Variants in ZFP92 observed in about 807,000 individuals in gnomAD.
ZFP92 encodes the protein ZFP92 zinc finger protein, also known as zinc finger protein 92 homolog.
ZFP92 carries 2 observed loss-of-function variants against 7.6 expected under a neutral mutation model. The ratio of observed to expected loss-of-function variants is 0.26; its 90% CI spans 0.11 to 0.83. The LOEUF is 0.83. Ranked by LOEUF, ZFP92 falls within the 40% of genes least tolerant of loss-of-function variation. ZFP92 has a pLI of 0.65. For synonymous variants in ZFP92, 226 were observed against 183.6 expected (o/e 1.23, Z -1.87); for missense variants, 324 against 408.3 (o/e 0.79, Z 1.78).
chrX:153,422,741 T>C lies in ZFP92; in HGVS notation c.*1113T>C, dbSNP rs1243617254. On this transcript the variant is annotated 3_prime_UTR_variant, in exon 6 of 6. Coordinates refer to ENST00000338647, the MANE Select transcript of ZFP92 (RefSeq NM_001136273.2). ...TCATCGAATGTCTTTTGCGTGACAT[T>C]TTGTAGAATACTGGACGTTCCGTTG... 8.9e-6 allele frequency: 1 copy of C among 112,848 alleles called. No individual in the cohort carries two copies. The highest frequency in any genetic ancestry group is 3.2e-5 in the African/African-American group (1 of 31,024). 9.3% of individuals were successfully genotyped at this position (112,848 alleles called of 1,213,427 possible). A position where few individuals can be genotyped will look rare whatever the true frequency, so the allele number is the denominator to read the frequency against.
rs2089010115 is a variant in ZFP92 at position 153,422,140 on chromosome X, GT to G, written c.*513del. On this transcript the variant is annotated 3_prime_UTR_variant, in exon 6 of 6. Transcript: ENST00000338647. Reference sequence around the variant, plus strand: ...AGAGTGGTGCATTTCCTCCCTGGGGGTCGTTCCCCTCGCCCTAAGAGTTGTT... The same window carrying G: ...AGAGTGGTGCATTTCCTCCCTGGGGGCGTTCCCCTCGCCCTAAGAGTTGTT... 8.9e-6 allele frequency: 1 copy of G among 112,315 alleles called. No homozygotes were observed. The allele number at this position is 112,315 out of a possible 1,213,427, so 9.3% of individuals were successfully genotyped here.
At chrX:153,411,885 G>T (rs1602886621) in intron 1 of ZFP92, among the ~76,000 whole-genome samples, 80 bp from the exon 2 acceptor site, 2 of 22 alleles carry the variant, frequency 0.091, no homozygotes, top group East Asian at 0.2. Context: ...TACCAGGGGC[G>T]CCAGGGGAAG....
At chrX:153,418,400 C>T (rs1447834416) in intron 3 of ZFP92, 45 bp downstream of exon 3, 5 of 1,153,046 alleles carry the variant, frequency 4.3e-6, no homozygotes, top group Middle Eastern at 2.4e-4. Flanking sequence ...TGGCAGCCCC[C>T]GTCTGCTGCC....
In ZFP92 at chrX:153,426,046, C is replaced by T. The variant is rs782408390; in HGVS notation, c.*4418C>T. Reference sequence around the variant, plus strand: ...TATAATGGGCATACAAGAAACTGCACGTCTTTAAAGTGTACAGTTGGAGGG... The same window carrying T: ...TATAATGGGCATACAAGAAACTGCATGTCTTTAAAGTGTACAGTTGGAGGG... On this transcript the variant is annotated 3_prime_UTR_variant, in exon 6 of 6. Transcript: ENST00000338647. The T allele has an allele frequency of 2.7e-5, 3 of 111,282 alleles. No individual in the cohort carries two copies. The highest frequency in any genetic ancestry group is 3.8e-5 in the Non-Finnish European group (2 of 53,068). 9.2% of individuals were successfully genotyped at this position (111,282 alleles called of 1,213,427 possible).
rs2088999405 is a variant in ZFP92 at position 153,421,218 on chromosome X, G to C, written c.841G>C (p.Glu281Gln). ...KAFSRSSNLI[E>Q]HQRTHRGEKP... ...CTTCAGCCGCAGCTCCAACCTCATC[G>C]AGCACCAGCGCACGCACCGCGGCGA... The change falls in exon 6 of 6, where the codon GAG (glutamate) becomes CAG (glutamine). Residue 281 changes from glutamate to glutamine, a missense_variant. Coordinates refer to ENST00000338647, the MANE Select transcript of ZFP92 (RefSeq NM_001136273.2). The C allele has an allele frequency of 8.4e-7, 1 of 1,183,472 alleles. No individual in the cohort carries two copies. The highest frequency in any genetic ancestry group is 1.1e-6 in the Non-Finnish European group (1 of 882,005).
rs76885969 is a variant in ZFP92 at position 153,420,261 on chromosome X, A to T, written c.194A>T (p.Gln65Leu). 8.6e-7 allele frequency: 1 copy of T among 1,165,901 alleles called. No homozygotes were observed. Among genetic ancestry groups the T allele is most frequent in the Admixed American group, 2.6e-5 (1 of 38,480 alleles). ...FSFSKPHLIS[Q>L]LERGEGPWVA... ...TTCTCCAAGCCTCACCTGATCTCCC[A>T]ATTGGAACGAGGGGAAGGACCCTGG... The change falls in exon 5 of 6, where the codon CAA becomes CTA. Residue 65 changes from glutamine to leucine, a missense_variant. By Grantham distance (113) the Gln-to-Leu change is moderately radical. Transcript: ENST00000338647.
intron 2 of ZFP92, among the ~76,000 whole-genome samples, chrX:153,416,983 C>G (rs782798095): frequency 3.6e-5 from 4 of 111,572 alleles, no homozygotes; most frequent in African/African-American, 1.3e-4. Context: ...GACTCACTCA[C>G]CCCTGAGGGA....
chrX:153,424,501 G>A lies in ZFP92; in HGVS notation c.*2873G>A, dbSNP rs2089029757. On this transcript the variant is annotated 3_prime_UTR_variant, in exon 6 of 6. Coordinates refer to ENST00000338647, the MANE Select transcript of ZFP92 (RefSeq NM_001136273.2). Reference sequence around the variant, plus strand: ...CTTGAAATTGGGCTCCCTCCCTCTTGCTGTGTGGGGAACTGGGAGGGTATA... The same window carrying A: ...CTTGAAATTGGGCTCCCTCCCTCTTACTGTGTGGGGAACTGGGAGGGTATA... 1 of 111,993 alleles carries A rather than the reference G, an allele frequency of 8.9e-6. No individual in the cohort carries two copies. Among genetic ancestry groups the A allele is most frequent in the African/African-American group, 3.3e-5 (1 of 30,762 alleles). The allele number at this position is 111,993 out of a possible 1,213,427, so 9.2% of individuals were successfully genotyped here.
chrX:153,421,567 C>T lies in ZFP92; in HGVS notation c.1190C>T (p.Ala397Val), dbSNP rs1404059101. The change falls in exon 6 of 6, where the codon GCG (alanine) becomes GTG (valine). Residue 397 changes from alanine to valine, a missense_variant. Coordinates refer to ENST00000338647, the MANE Select transcript of ZFP92 (RefSeq NM_001136273.2). ...AGCACCGGCCCTGGGAGCGCGGTGGCGGCCACCAGCCCCCCGCGGCCGAGC... is the reference window on the plus strand; with the variant it reads ...AGCACCGGCCCTGGGAGCGCGGTGGTGGCCACCAGCCCCCCGCGGCCGAGC... ...PGSTGPGSAV[A>V]ATSPPRPSTA... The T allele has an allele frequency of 2.2e-5, 23 of 1,068,333 alleles. No individual in the cohort carries two copies. The highest frequency in any genetic ancestry group is 5.9e-5 in the African/African-American group (3 of 50,581). The allele number at this position is 1,068,333 out of a possible 1,213,427, so 88.0% of individuals were successfully genotyped here. A position where few individuals can be genotyped will look rare whatever the true frequency, so the allele number is the denominator to read the frequency against.
rs893407803 is a variant in ZFP92, at chrX:153,418,870, G to A, written c.160+71G>A. On this transcript the variant is annotated intron_variant, in intron 4 of 5. Coordinates refer to ENST00000338647, the MANE Select transcript of ZFP92 (RefSeq NM_001136273.2). ...CTGTCTCTGGGCTCAGTTTATTTCCGAGATTCCTGTTTGTCGGTTGCTATG... is the reference window on the plus strand; with the variant it reads ...CTGTCTCTGGGCTCAGTTTATTTCCAAGATTCCTGTTTGTCGGTTGCTATG... 9.3e-5 allele frequency: 103 copies of A among 1,110,608 alleles called. 1 individual carries two copies. The highest frequency in any genetic ancestry group is 1.0e-4 in the Non-Finnish European group (84 of 840,594). 91.5% of individuals were successfully genotyped at this position (1,110,608 alleles called of 1,213,427 possible).
At chrX:153,416,702 C>A (rs1458430926) in intron 2 of ZFP92, among the ~76,000 whole-genome samples, 1 of 112,023 alleles carries the variant, frequency 8.9e-6, no homozygotes, top group Non-Finnish European at 1.9e-5. Context: ...TTTTACCCCC[C>A]TGTCCTAGTC....
rs1439553597 is a variant in ZFP92, at chrX:153,424,661, C to T, written c.*3033C>T. ...GGATGCCAACCTGGGACCCCTTTGT[C>T]TTTGGGCTTTTGCCCTTTGAAACTG... On this transcript the variant is annotated 3_prime_UTR_variant, in exon 6 of 6. Coordinates refer to ENST00000338647, the MANE Select transcript of ZFP92 (RefSeq NM_001136273.2). 1.8e-5 allele frequency: 2 copies of T among 112,321 alleles called. No individual in the cohort carries two copies. The highest frequency in any genetic ancestry group is 3.8e-5 in the Non-Finnish European group (2 of 53,233). The allele number at this position is 112,321 out of a possible 1,213,427, so 9.3% of individuals were successfully genotyped here. A position where few individuals can be genotyped will look rare whatever the true frequency, so the allele number is the denominator to read the frequency against.
At chrX:153,417,408 G>GT (rs2088961695) in intron 2 of ZFP92, among the ~76,000 whole-genome samples, 2 of 112,128 alleles carry the variant, frequency 1.8e-5, no homozygotes, top group African/African-American at 6.5e-5. Flanking sequence ...CACCCCTTCA[G>GT]AGAGCACCCC....
Position 153,422,757 on chromosome X carries a change from C to T in ZFP92, c.*1129C>T, listed in dbSNP as rs943714191. 3.5e-5 allele frequency: 4 copies of T among 112,695 alleles called. No homozygotes were observed. Among genetic ancestry groups the T allele is most frequent in the African/African-American group, 9.7e-5 (3 of 31,000 alleles). 9.3% of individuals were successfully genotyped at this position (112,695 alleles called of 1,213,427 possible). A position where few individuals can be genotyped will look rare whatever the true frequency, so the allele number is the denominator to read the frequency against. On this transcript the variant is annotated 3_prime_UTR_variant, in exon 6 of 6. Coordinates refer to ENST00000338647, the MANE Select transcript of ZFP92 (RefSeq NM_001136273.2). Reference sequence around the variant, plus strand: ...GCGTGACATTTTGTAGAATACTGGACGTTCCGTTGCTTTGATTGTTTTTGT... The same window carrying T: ...GCGTGACATTTTGTAGAATACTGGATGTTCCGTTGCTTTGATTGTTTTTGT...
At chrX:153,417,651 C>T (rs1296249285) in intron 2 of ZFP92, among the ~76,000 whole-genome samples, 3 of 111,729 alleles carry the variant, frequency 2.7e-5, no homozygotes, top group Admixed American at 9.5e-5. Flanking sequence ...AAAGAAGGAA[C>T]GGGCTCCCTC....
chrX:153,418,413 C>T, intron 3 of ZFP92, 58 bp downstream of exon 3: 1 of 1,145,537 alleles, frequency 8.7e-7, no homozygotes, highest in Non-Finnish European at 1.2e-6. Context: ...CTGCTGCCTC[C>T]TCATGCCCAG....
intron 2 of ZFP92, 59 bp from the exon 3 acceptor site, chrX:153,418,245 CG>C: frequency 3.5e-6 from 4 of 1,131,193 alleles, no homozygotes; most frequent in Non-Finnish European, 4.8e-6. Flanking sequence ...TCAAGCAGGT[CG>C]CAGATTGGCT....
chrX:153,412,923 C>T (rs183794185), intron 2 of ZFP92, among the ~76,000 whole-genome samples: 1 of 112,194 alleles, frequency 8.9e-6, no homozygotes, highest in Non-Finnish European at 1.9e-5. Flanking sequence ...AGGGCAAGGC[C>T]TGCCCAGCTG....
At chrX:153,418,589 GC>G (rs1217559631) in intron 3 of ZFP92, 83 bp from the exon 4 acceptor site, 38 of 1,112,216 alleles carry the variant, frequency 3.4e-5, no homozygotes, top group African/African-American at 3.0e-4. Flanking sequence ...GGCTCCCCCC[GC>G]CCCCCACATT....
Sources: allele counts gnomAD v4.1 joint callset (sites outside exome capture counted in the v4.1 genomes callset), GRCh38; gene constraint gnomAD v4.1.1; transcripts MANE v1.5; gene names NCBI Gene and HGNC (gene_info 2026-07-23, HGNC 2026-07-21).